The following NRXN3 variants were observed in gnomAD, a reference collection of about 807,000 sequenced individuals.
NRXN3 encodes the protein neurexin 3.
NRXN3 carries 32 observed loss-of-function variants against 137.6 expected under a neutral mutation model. The ratio of observed to expected loss-of-function variants is 0.23; its 90% CI spans 0.18 to 0.31. The LOEUF (loss-of-function observed/expected upper bound fraction) is 0.31, where lower values mean the gene tolerates loss of function less well. Ranked by LOEUF, NRXN3 falls within the 10% of genes least tolerant of loss-of-function variation. NRXN3 has a pLI of 1.00. For missense variants in NRXN3, 1,574 were observed against 2,062.5 expected (o/e 0.76, Z 4.59); for synonymous variants, 798 against 784.5 (o/e 1.02, Z -0.29).
rs191983395 is a variant in NRXN3, at chr14:78,178,955, A to G, written c.-704+8281A>G. Among the ~76,000 whole-genome samples the G allele has an allele frequency of 8.9e-3, 1,358 of 152,224 alleles. 7 individuals are homozygous for G. The highest frequency in any genetic ancestry group is 0.015 in the Non-Finnish European group (1,043 of 68,006). On this transcript the variant is annotated intron_variant, in intron 1 of 20. Coordinates refer to ENST00000335750, the MANE Select transcript of NRXN3 (RefSeq NM_001330195.2). The stretch of plus-strand genomic sequence containing the variant: ...TGAGGTCTGGATAGGAACTCTGGGG[A>G]TCATCATCCTTATCAGCCACCTCTA...
intron 16 of NRXN3, among the ~76,000 whole-genome samples, chr14:79,566,632 A>G (rs188850501): frequency 7.5e-4 from 114 of 152,276 alleles, no homozygotes; most frequent in African/African-American, 2.6e-3. Context: ...AATCATTTTC[A>G]GTATGAAATG....
At chr14:79,123,637 T>G (rs527596601) in intron 15 of NRXN3, among the ~76,000 whole-genome samples, 2 of 152,238 alleles carry the variant, frequency 1.3e-5, no homozygotes, top group Admixed American at 6.5e-5. Context: ...GTATAAAATA[T>G]ATAATTGAAA....
chr14:79,607,636 T>C (rs2098038042), intron 16 of NRXN3, among the ~76,000 whole-genome samples: 1 of 151,868 alleles, frequency 6.6e-6, no homozygotes, highest in Admixed American at 6.6e-5. Context: ...AAAGAGAAAA[T>C]AGCCGTTTGA....
chr14:78,587,651 A>C (rs975900878), intron 4 of NRXN3, among the ~76,000 whole-genome samples: 1 of 152,192 alleles, frequency 6.6e-6, no homozygotes, highest in African/African-American at 2.4e-5. Flanking sequence ...ATTCGCAACT[A>C]TTTTTAATCT....
chr14:79,245,172 A>G (rs1398621849), intron 15 of NRXN3, among the ~76,000 whole-genome samples: 1 of 151,600 alleles, frequency 6.6e-6, no homozygotes, highest in Admixed American at 6.6e-5. Context: ...AAAATGTCAC[A>G]GCTACTTGAC....
intron 19 of NRXN3, among the ~76,000 whole-genome samples, chr14:79,764,410 A>C (rs1404560686): frequency 6.6e-6 from 1 of 152,206 alleles, no homozygotes; most frequent in Non-Finnish European, 1.5e-5. Context: ...AATCATTCGG[A>C]GCAATAATTG....
At chr14:78,892,641 TCCTC>T (rs2099162353) in intron 10 of NRXN3, among the ~76,000 whole-genome samples, 1 of 151,106 alleles carries the variant, frequency 6.6e-6, no homozygotes, top group South Asian at 2.1e-4. Flanking sequence ...AGTCTTTTCT[TCCTC>T]ATTAAAATCA....
chr14:78,401,952 C>T (rs558132614), intron 4 of NRXN3, among the ~76,000 whole-genome samples: 18 of 152,250 alleles, frequency 1.2e-4, no homozygotes, highest in African/African-American at 4.3e-4. Context: ...TGCTGAATTC[C>T]AATGTTGTAC....
intron 6 of NRXN3, among the ~76,000 whole-genome samples, chr14:78,694,210 C>T (rs2098202550): frequency 6.6e-6 from 1 of 151,974 alleles, no homozygotes; most frequent in Admixed American, 6.6e-5. Flanking sequence ...TGACTGTCTC[C>T]TCTTCTAAAA....
chr14:79,257,460 G>A (rs867402594), intron 15 of NRXN3, among the ~76,000 whole-genome samples: 2 of 32,590 alleles, frequency 6.1e-5, no homozygotes, highest in Admixed American at 3.1e-4. Context: ...GGTGGTGGTG[G>A]TGGTGGTGGT....
At chr14:79,719,095 C>T (rs994877218) in intron 19 of NRXN3, among the ~76,000 whole-genome samples, 2 of 152,142 alleles carry the variant, frequency 1.3e-5, no homozygotes, top group Non-Finnish European at 2.9e-5. Flanking sequence ...TGCTTATCCA[C>T]ATCAGTCCTT....
intron 4 of NRXN3, among the ~76,000 whole-genome samples, chr14:78,569,544 G>C (rs978997870): frequency 6.6e-6 from 1 of 151,004 alleles, no homozygotes; most frequent in Non-Finnish European, 1.5e-5. Flanking sequence ...GGATTACAGG[G>C]GTGAGCCACC....
rs1369017537 is a variant in NRXN3, at chr14:79,064,035, C to G, written c.3262+75894C>G. On this transcript the variant is annotated intron_variant, in intron 15 of 20. Transcript: ENST00000335750. ...TGCAAGTGTGATCCTTCATATAAAA[C>G]TAAAGCAAGTGAGGATGAATTCCTA... Among the ~76,000 whole-genome samples, 3 of 152,128 alleles carry G rather than the reference C, an allele frequency of 2.0e-5. No homozygotes were observed. In the East Asian group the frequency reaches 5.8e-4, roughly 29 times the overall value.
chr14:79,266,816 A>G (rs1333423862), intron 15 of NRXN3, among the ~76,000 whole-genome samples: 5 of 152,212 alleles, frequency 3.3e-5, no homozygotes, highest in East Asian at 1.9e-4. Context: ...TATATGAACA[A>G]CTGCAAGTTA....
intron 16 of NRXN3, among the ~76,000 whole-genome samples, chr14:79,614,238 C>T (rs563201555): frequency 1.3e-5 from 2 of 152,276 alleles, no homozygotes; most frequent in African/African-American, 2.4e-5. Context: ...GAATTTCCTT[C>T]GAGGAGAAGC....
At chr14:79,147,779 C>T (rs1039394672) in intron 15 of NRXN3, among the ~76,000 whole-genome samples, 3 of 152,080 alleles carry the variant, frequency 2.0e-5, no homozygotes, top group African/African-American at 7.2e-5. Flanking sequence ...TCGTTGCTTT[C>T]CAGATGCCAC....
At chr14:79,378,844 A>G (rs938000009) in intron 15 of NRXN3, among the ~76,000 whole-genome samples, 2 of 151,722 alleles carry the variant, frequency 1.3e-5, no homozygotes, top group African/African-American at 4.8e-5. Context: ...ATCCTGAAAT[A>G]CTTGCTGAAT....
intron 15 of NRXN3, among the ~76,000 whole-genome samples, chr14:79,422,743 A>G (rs1254404678): frequency 7.6e-6 from 1 of 130,864 alleles, no homozygotes; most frequent in Non-Finnish European, 1.6e-5. Context: ...TCTGTCACCC[A>G]GGCTGGAATG....
At chr14:78,716,455 A>C (rs11159377) in intron 8 of NRXN3, among the ~76,000 whole-genome samples, 17,488 of 152,232 alleles carry the variant, frequency 0.11, 1,165 homozygotes, top group African/African-American at 0.18. Context: ...TATTTAGCTG[A>C]GGAGTTGAGA....
Sources: allele counts gnomAD v4.1 joint callset (sites outside exome capture counted in the v4.1 genomes callset), GRCh38; gene constraint gnomAD v4.1.1; transcripts MANE v1.5; gene names NCBI Gene and HGNC (gene_info 2026-07-23, HGNC 2026-07-21).